CACHD1: variants seen among roughly 807,000 people sequenced by gnomAD.
CACHD1 encodes the protein VWFA and cache domain-containing protein 1.
A neutral mutation model predicts 138.7 loss-of-function variants in CACHD1; 71 were observed. That is an observed-to-expected ratio of 0.51 (90% confidence interval 0.42 to 0.62). CACHD1 has a LOEUF of 0.62. CACHD1 is among the 20% of genes least tolerant of loss of function. The pLI is 0.00. For missense variants in CACHD1, 1,389 were observed against 1,625.3 expected (o/e 0.85, Z 2.50); for synonymous variants, 578 against 591.5 (o/e 0.98, Z 0.33).
chr1:64,689,757 G>A (rs532882673), intron 26 of CACHD1, among the ~76,000 whole-genome samples: 6 of 152,150 alleles, frequency 3.9e-5, no homozygotes, highest in South Asian at 2.1e-4. Context: ...CTCTATGGCT[G>A]TGGTCATCCT....
intron 1 of CACHD1, among the ~76,000 whole-genome samples, chr1:64,487,600 G>A (rs1298406464): frequency 1.3e-5 from 2 of 151,926 alleles, no homozygotes; most frequent in Non-Finnish European, 2.9e-5. Context: ...GATCATTTTG[G>A]CTAGTGTCTT....
At chr1:64,530,442 CA>C in intron 1 of CACHD1, among the ~76,000 whole-genome samples, 1 of 152,146 alleles carries the variant, frequency 6.6e-6, no homozygotes, top group East Asian at 1.9e-4. Context: ...GTTGGAGGAT[CA>C]AGTTCAAAAG....
chr1:64,666,072 A>G lies in CACHD1; in HGVS notation c.2292A>G (p.Val764=). 1.2e-6 allele frequency: 2 copies of G among 1,603,610 alleles called. No homozygotes were observed. Among genetic ancestry groups the G allele is most frequent in the Non-Finnish European group, 1.7e-6 (2 of 1,171,500 alleles). The change falls in exon 16 of 27, where the codon GTA becomes GTG. Residue 764 remains valine (V), a synonymous_variant. Transcript: ENST00000651257. ...PTRRQWYLHA[V]ANPGLISLTG... is the part of the protein sequence containing the mutation. ...TCTCCATTAGGTATCTCCATGCAGT[A>G]GCTAATCCAGGGTTGATTTCTTTGA...
intron 1 of CACHD1, among the ~76,000 whole-genome samples, chr1:64,518,567 A>G (rs1646475789): frequency 6.6e-6 from 1 of 152,198 alleles, no homozygotes; most frequent in South Asian, 2.1e-4. Context: ...AAGATGCAAA[A>G]TTTAACACAG....
At chr1:64,606,106 AACACACACAC>A (rs112089755) in intron 4 of CACHD1, among the ~76,000 whole-genome samples, 4 of 148,940 alleles carry the variant, frequency 2.7e-5, no homozygotes, top group Non-Finnish European at 4.5e-5. Flanking sequence ...AGGAGCTGTA[AACACACACAC>A]ACACACACAC....
At chr1:64,502,569 T>C (rs1252956417) in intron 1 of CACHD1, among the ~76,000 whole-genome samples, 2 of 152,196 alleles carry the variant, frequency 1.3e-5, no homozygotes, top group African/African-American at 2.4e-5. Context: ...TGTGTGTGTG[T>C]GCATGTGTGT....
At chr1:64,477,220 G>A (rs1646178898) in intron 1 of CACHD1, among the ~76,000 whole-genome samples, 1 of 152,204 alleles carries the variant, frequency 6.6e-6, no homozygotes, top group Admixed American at 6.5e-5. Flanking sequence ...TTCATTTAGT[G>A]CCAGGGCACA....
intron 1 of CACHD1, among the ~76,000 whole-genome samples, chr1:64,545,752 T>C (rs188504876): frequency 4.1e-4 from 63 of 152,320 alleles, no homozygotes; most frequent in Non-Finnish European, 6.8e-4. Flanking sequence ...GAGTCATAAA[T>C]ATCCATATAA....
intron 1 of CACHD1, among the ~76,000 whole-genome samples, chr1:64,531,917 A>G (rs973983482): frequency 6.6e-6 from 1 of 152,234 alleles, no homozygotes; most frequent in African/African-American, 2.4e-5. Flanking sequence ...CCGTATATTA[A>G]AATATGGCAA....
intron 1 of CACHD1, among the ~76,000 whole-genome samples, chr1:64,498,844 A>C (rs191227096): frequency 6.6e-6 from 1 of 152,352 alleles, no homozygotes; most frequent in South Asian, 2.1e-4. Context: ...TGGGAAAATG[A>C]CCAGAAAGAA....
chr1:64,652,123 C>G lies in CACHD1; in HGVS notation c.1391-38C>G, dbSNP rs1329483305. 3.9e-6 allele frequency: 6 copies of G among 1,558,026 alleles called. No homozygotes were observed. The South Asian group carries it at 6.0e-5, about 16-fold the overall frequency. ...TTCCAGTCTTTGTCCAATTCCTTCT[C>G]TGCTGGTCTTTAGATTTATTTTGTT... On this transcript the variant is annotated intron_variant, in intron 9 of 26. Transcript: ENST00000651257.
intron 1 of CACHD1, among the ~76,000 whole-genome samples, chr1:64,491,767 C>T (rs923736090): frequency 5.9e-5 from 9 of 152,254 alleles, no homozygotes; most frequent in Admixed American, 5.9e-4. Context: ...CAGGCATGCA[C>T]CACCATGTCC....
At chr1:64,666,719 T>TAAAATAATTA (rs1649644279) in intron 16 of CACHD1, among the ~76,000 whole-genome samples, 1 of 151,402 alleles carries the variant, frequency 6.6e-6, no homozygotes, top group African/African-American at 2.4e-5. Context: ...TCTACAAAAA[T>TAAAATAATTA]AAAATAATTA....
intron 2 of CACHD1, among the ~76,000 whole-genome samples, chr1:64,558,315 A>G (rs1646813419): frequency 6.6e-6 from 1 of 152,174 alleles, no homozygotes; most frequent in African/African-American, 2.4e-5. Context: ...ATTCCTTTGC[A>G]CAAGGTGCTG....
intron 1 of CACHD1, among the ~76,000 whole-genome samples, chr1:64,546,099 G>T (rs1646716157): frequency 6.6e-6 from 1 of 152,214 alleles, no homozygotes; most frequent in Admixed American, 6.5e-5. Flanking sequence ...GATTTGCAAA[G>T]TGAGGAGAGT....
chr1:64,618,086 A>AT (rs1466374256), intron 4 of CACHD1, among the ~76,000 whole-genome samples: 2 of 151,918 alleles, frequency 1.3e-5, no homozygotes, highest in Non-Finnish European at 2.9e-5. Context: ...GTCTCAAAAA[A>AT]AAAAAAAAGT....
intron 4 of CACHD1, among the ~76,000 whole-genome samples, chr1:64,627,749 A>G (rs971793136): frequency 2.6e-5 from 4 of 152,318 alleles, no homozygotes; most frequent in African/African-American, 9.6e-5. Flanking sequence ...ACAGAGTCAG[A>G]AGAGCTATGT....
chr1:64,477,756 T>C (rs1377518709), intron 1 of CACHD1, among the ~76,000 whole-genome samples: 1 of 151,388 alleles, frequency 6.6e-6, no homozygotes, highest in African/African-American at 2.4e-5. Context: ...TGCCTCAGCC[T>C]CCCGAGTAGC....
intron 3 of CACHD1, among the ~76,000 whole-genome samples, chr1:64,602,405 A>G (rs1045840173): frequency 3.3e-5 from 5 of 151,226 alleles, no homozygotes; most frequent in Admixed American, 6.6e-5. Flanking sequence ...GTACTTGGTC[A>G]TTGGTTTTCA....
Sources: gnomAD v4.1 joint callset for allele counts (sites outside exome capture counted in the v4.1 genomes callset) on GRCh38, gnomAD v4.1.1 for gene constraint, MANE v1.5 for transcripts, NCBI Gene and HGNC (gene_info 2026-07-23, HGNC 2026-07-21) for gene names.